The following MYH15 variants were observed in gnomAD, a reference collection of about 807,000 sequenced individuals.
The protein encoded by MYH15 is myosin heavy chain 15.
MYH15 carries 227 observed loss-of-function variants against 240.5 expected under a neutral mutation model. The observed-to-expected ratio is 0.94, with a 90% confidence interval of 0.85 to 1.05. MYH15 has a LOEUF of 1.05. MYH15 is among the 50% of genes least tolerant of loss of function. The pLI, the probability that MYH15 is intolerant of heterozygous loss-of-function variation, is 0.00. For missense variants in MYH15, 2,217 were observed against 2,247.5 expected, an observed-to-expected ratio of 0.99 and a Z score of 0.27; for synonymous variants, 785 against 796.7, an observed-to-expected ratio of 0.99 and a Z score of 0.25.
chr3:108,447,399 G>C (rs2082937297), intron 21 of MYH15, among the ~76,000 whole-genome samples: 1 of 151,824 alleles, frequency 6.6e-6, no homozygotes, highest in Non-Finnish European at 1.5e-5. Flanking sequence ...CAAATATAAA[G>C]AGATCTTCAC....
chr3:108,460,703 T>C (rs2083064835), intron 16 of MYH15, among the ~76,000 whole-genome samples: 1 of 152,188 alleles, frequency 6.6e-6, no homozygotes, highest in Non-Finnish European at 1.5e-5. Flanking sequence ...CACTGTAAGC[T>C]TTTAAAATGA....
rs748418471 is a variant in MYH15, at chr3:108,460,353, C to T, written c.1879G>A (p.Glu627Lys). Reference sequence around the variant, plus strand: ...GAAGCTCCTTTCTTTCGTTTCTTCTCCCCAAATGGTATAGCTAGCAAAAAA... The same window carrying T: ...GAAGCTCCTTTCTTTCGTTTCTTCTTCCCAAATGGTATAGCTAGCAAAAAA... ...MSTDSAIPFG[E>K]KKRKKGASFQ... is the part of the protein sequence containing the mutation. Residue 627 changes from glutamate (E) to lysine (K), a missense_variant, in exon 17 of 41, where the codon GAG becomes AAG. Glu to Lys is a moderately conservative substitution (Grantham distance 56). Transcript: ENST00000693548. 8 of 1,593,364 alleles carry T rather than the reference C, an allele frequency of 5.0e-6. No individual in the cohort carries two copies. The highest frequency in any genetic ancestry group is 6.8e-6 in the Non-Finnish European group (8 of 1,172,690).
At chr3:108,422,214 T>C (rs1277349362) in intron 27 of MYH15, among the ~76,000 whole-genome samples, 1 of 136,174 alleles carries the variant, frequency 7.3e-6, no homozygotes, top group Non-Finnish European at 1.6e-5. Context: ...ATTATCTTTT[T>C]ATTATCTTTT....
chr3:108,455,998 G>A, intron 19 of MYH15, 139 bp from the exon 20 acceptor site: 1 of 850,136 alleles, frequency 1.2e-6, no homozygotes, highest in Non-Finnish European at 1.8e-6. Flanking sequence ...AAGATTCTTA[G>A]TAACAATAAT....
intron 20 of MYH15, 94 bp downstream of exon 20, chr3:108,455,642 G>T: frequency 7.2e-7 from 1 of 1,392,086 alleles, no homozygotes. Context: ...GAGAGCTGAA[G>T]AATGCCTTAT....
At chr3:108,451,133 A>C (rs1462327307) in intron 21 of MYH15, among the ~76,000 whole-genome samples, 1 of 152,202 alleles carries the variant, frequency 6.6e-6, no homozygotes, top group Non-Finnish European at 1.5e-5. Flanking sequence ...TAATCCCAAC[A>C]CTTTGGGAGG....
At chr3:108,502,037 T>G (rs2083442808) in intron 2 of MYH15, among the ~76,000 whole-genome samples, 182 bp from the exon 3 acceptor site, 1 of 152,108 alleles carries the variant, frequency 6.6e-6, no homozygotes, top group Non-Finnish European at 1.5e-5. Context: ...GAAAAAGCCC[T>G]CTCCTTCCCT....
intron 11 of MYH15, 93 bp downstream of exon 11, chr3:108,484,998 T>C: frequency 7.4e-7 from 1 of 1,351,570 alleles, no homozygotes; most frequent in Non-Finnish European, 1.0e-6. Flanking sequence ...TGATTAATTT[T>C]AAGTAAGAGA....
intron 18 of MYH15, 83 bp from the exon 19 acceptor site, chr3:108,456,966 G>C (rs2083027380): frequency 4.0e-6 from 4 of 996,032 alleles, no homozygotes; most frequent in Non-Finnish European, 6.2e-6. Context: ...CTGCATCTTG[G>C]GTTAAAAAGA....
chr3:108,513,457 C>T (rs2083536131), upstream of MYH15, among the ~76,000 whole-genome samples: 1 of 152,136 alleles, frequency 6.6e-6, no homozygotes, highest in African/African-American at 2.4e-5. Context: ...GAGTACCTCA[C>T]TTCTAGGACC....
At chr3:108,481,380 A>G (rs1261377805) in intron 11 of MYH15, among the ~76,000 whole-genome samples, 1 of 152,218 alleles carries the variant, frequency 6.6e-6, no homozygotes, top group East Asian at 1.9e-4. Context: ...TGAACACACC[A>G]AATGAGGTCC....
chr3:108,440,052 T>C, intron 23 of MYH15, 139 bp from the exon 24 acceptor site: 1 of 619,430 alleles, frequency 1.6e-6, no homozygotes, highest in African/African-American at 1.9e-5. Context: ...GCCAAATTCC[T>C]GATACGCTTT....
chr3:108,381,503 C>A lies in MYH15; in HGVS notation c.*42G>T. 3.7e-6 allele frequency: 6 copies of A among 1,610,728 alleles called. No homozygotes were observed. The highest frequency in any genetic ancestry group is 5.1e-6 in the Non-Finnish European group (6 of 1,176,998). ...GTTTTTGGCCATGAAACAGCACCTT[C>A]CTTGTACTTCTCCAGCTGTTGTCCT... On this transcript the variant is annotated 3_prime_UTR_variant, in exon 41 of 41. Transcript: ENST00000693548.
chr3:108,410,723 T>G lies in MYH15; in HGVS notation c.4355A>C (p.His1452Pro), dbSNP rs1210090412. 1 of 1,614,182 alleles carries G rather than the reference T, an allele frequency of 6.2e-7. No homozygotes were observed. Among genetic ancestry groups the G allele is most frequent in the East Asian group, 2.2e-5 (1 of 44,880 alleles). ...GKALADWKQK[H>P]EESQALLDAS... ...ATCCAGCAACGCCTGGGACTCCTCG[T>G]GCTTCTGCTTCCAGTCGGCAAGGGC... The change falls in exon 31 of 41, where the codon CAC becomes CCC. Residue 1452 changes from histidine to proline, a missense_variant. His to Pro is a moderately conservative substitution (Grantham distance 77, BLOSUM62 -2). Transcript: ENST00000693548.
At chr3:108,444,025 A>T (rs1442190151) in intron 22 of MYH15, among the ~76,000 whole-genome samples, 4 of 144,034 alleles carry the variant, frequency 2.8e-5, no homozygotes, top group Non-Finnish European at 6.1e-5. Flanking sequence ...GAGGGATAGC[A>T]TTAGGAGATA....
chr3:108,442,768 ATTTC>A (rs1002699365), intron 22 of MYH15, among the ~76,000 whole-genome samples: 5 of 52,940 alleles, frequency 9.4e-5, no homozygotes, highest in African/African-American at 3.1e-4. Context: ...ATTTCAAAAT[ATTTC>A]TTTTTTTTTT....
At chr3:108,435,785 T>G (rs541854075) in intron 25 of MYH15, among the ~76,000 whole-genome samples, 1 of 150,056 alleles carries the variant, frequency 6.7e-6, no homozygotes, top group Non-Finnish European at 1.5e-5. Context: ...AAGTTTATTT[T>G]TTATTTCAAT....
intron 36 of MYH15, among the ~76,000 whole-genome samples, chr3:108,392,643 G>A (rs1392487815): frequency 6.6e-6 from 1 of 152,204 alleles, no homozygotes; most frequent in Non-Finnish European, 1.5e-5. Flanking sequence ...TGCAGATGGT[G>A]AGGGCAAAGA....
chr3:108,381,763 G>C (rs766459690), intron 40 of MYH15, among the ~76,000 whole-genome samples: 1 of 152,130 alleles, frequency 6.6e-6, no homozygotes, highest in Non-Finnish European at 1.5e-5. Flanking sequence ...GGGCATGCTC[G>C]GTCACTCTCA....
Sources: gnomAD v4.1 joint callset for allele counts (sites outside exome capture counted in the v4.1 genomes callset) on GRCh38, gnomAD v4.1.1 for gene constraint, MANE v1.5 for transcripts, NCBI Gene and HGNC (gene_info 2026-07-23, HGNC 2026-07-21) for gene names.